Variants in STPG2 observed in about 807,000 individuals in gnomAD.
STPG2 encodes the protein sperm-tail PG-rich repeat-containing protein 2.
STPG2 carries 56 observed loss-of-function variants against 54.2 expected under a neutral mutation model. The ratio of observed to expected loss-of-function variants is 1.03; its 90% CI spans 0.83 to 1.29. The LOEUF (loss-of-function observed/expected upper bound fraction) is 1.29. Among genes scored for constraint, STPG2 ranks in the 50% most tolerant of loss-of-function variants. The pLI is 0.00. For missense variants in STPG2, 596 were observed against 544.9 expected (o/e 1.09, Z -0.93); for synonymous variants, 200 against 181.8 (o/e 1.10, Z -0.81).
At chr4:97,972,211 T>C in intron 7 of STPG2, 69 bp downstream of exon 7, 2 of 1,047,780 alleles carry the variant, frequency 1.9e-6, no homozygotes, top group Non-Finnish European at 1.3e-6. Context: ...TTATAACATG[T>C]AATTTCAAGA....
Position 97,935,016 on chromosome 4 carries a change from T to C in STPG2, c.1044+8881A>G, listed in dbSNP as rs184902787. ...GTTTTTTGGTTGATAGGCTATTTATTACTGCCTCAATTTCAGAATTTGTTA... is the reference window on the plus strand; with the variant it reads ...GTTTTTTGGTTGATAGGCTATTTATCACTGCCTCAATTTCAGAATTTGTTA... On this transcript the variant is annotated intron_variant, in intron 8 of 10. Coordinates refer to ENST00000295268, the MANE Select transcript of STPG2 (RefSeq NM_174952.3). 2.5e-3 allele frequency among the ~76,000 whole-genome samples: 385 copies of C among 152,328 alleles called. 3 individuals are homozygous for C. The highest frequency in any genetic ancestry group is 8.7e-3 in the African/African-American group (361 of 41,576).
chr4:98,074,215 A>G (rs1317526024), intron 5 of STPG2, among the ~76,000 whole-genome samples: 1 of 152,228 alleles, frequency 6.6e-6, no homozygotes, highest in Non-Finnish European at 1.5e-5. Flanking sequence ...CTCTGGGTAT[A>G]AAATGATAAG....
intron 4 of STPG2, among the ~76,000 whole-genome samples, chr4:97,524,620 G>C (rs1048543735): frequency 3.3e-5 from 5 of 151,876 alleles, no homozygotes; most frequent in African/African-American, 4.8e-5. Flanking sequence ...ATTTGAACCA[G>C]CCAGTTCATT....
At chr4:97,837,057 TA>T (rs943712001) in intron 9 of STPG2, among the ~76,000 whole-genome samples, 1 of 151,614 alleles carries the variant, frequency 6.6e-6, no homozygotes, top group Non-Finnish European at 1.5e-5. Context: ...TTCCCATGTT[TA>T]AAAAAACCAT....
At chr4:97,566,073 C>G (rs190371667) in intron 10 of STPG2, among the ~76,000 whole-genome samples, 20 of 152,322 alleles carry the variant, frequency 1.3e-4, no homozygotes, top group African/African-American at 4.8e-4. Flanking sequence ...CCTCCTTGAG[C>G]TGTGGTGGGC....
intron 1 of STPG2, among the ~76,000 whole-genome samples, chr4:98,140,218 C>T (rs575214910): frequency 6.6e-6 from 1 of 152,230 alleles, no homozygotes; most frequent in South Asian, 2.1e-4. Flanking sequence ...CTTAGGAAAA[C>T]TGTAAAGTTG....
intron 4 of STPG2, among the ~76,000 whole-genome samples, chr4:97,551,058 T>G (rs1006190384): frequency 2.0e-5 from 3 of 151,696 alleles, no homozygotes; most frequent in Non-Finnish European, 2.9e-5. Flanking sequence ...CCAGCTTTTA[T>G]TCCCTTATTT....
intron 8 of STPG2, among the ~76,000 whole-genome samples, chr4:97,864,702 C>T (rs1383785142): frequency 6.6e-6 from 1 of 152,160 alleles, no homozygotes; most frequent in Non-Finnish European, 1.5e-5. Flanking sequence ...TACTACAAGG[C>T]TGCAGTAACC....
At chr4:97,452,201 C>T (rs887340536) in intron 4 of STPG2, among the ~76,000 whole-genome samples, 3 of 150,078 alleles carry the variant, frequency 2.0e-5, no homozygotes, top group Non-Finnish European at 3.0e-5. Context: ...TCCCTACACA[C>T]CTGGGGGCCC....
At chr4:97,853,712 C>T (rs1438249575) in intron 8 of STPG2, among the ~76,000 whole-genome samples, 8 of 152,206 alleles carry the variant, frequency 5.3e-5, no homozygotes, top group African/African-American at 1.9e-4. Context: ...CTTCTTCCTT[C>T]CCTTCTCTTG....
intron 10 of STPG2, among the ~76,000 whole-genome samples, chr4:97,700,891 A>G (rs1156609317): frequency 6.6e-6 from 1 of 152,224 alleles, no homozygotes; most frequent in East Asian, 1.9e-4. Flanking sequence ...GCTCAAATCA[A>G]TGAAACCACA....
chr4:97,671,767 A>C (rs919366704), intron 10 of STPG2, among the ~76,000 whole-genome samples: 8 of 152,064 alleles, frequency 5.3e-5, no homozygotes, highest in African/African-American at 1.7e-4. Flanking sequence ...TTCAAGTTCA[A>C]CTCTGTAAGT....
chr4:98,059,647 A>G (rs1452781562), intron 5 of STPG2, among the ~76,000 whole-genome samples: 1 of 151,558 alleles, frequency 6.6e-6, no homozygotes, highest in African/African-American at 2.4e-5. Context: ...AATGCAAAAA[A>G]AAAAAAAAAA....
At chr4:97,963,590 G>A (rs1165419536) in intron 7 of STPG2, among the ~76,000 whole-genome samples, 1 of 152,062 alleles carries the variant, frequency 6.6e-6, no homozygotes, top group Non-Finnish European at 1.5e-5. Flanking sequence ...AGGAGGGCAA[G>A]GGTGCAGTGA....
At chr4:97,811,197 TA>T (rs797019047) in intron 9 of STPG2, among the ~76,000 whole-genome samples, 727 of 144,398 alleles carry the variant, frequency 5.0e-3, no homozygotes, top group Middle Eastern at 0.035. Context: ...TTAGTTTACT[TA>T]AAAAAAAAAA....
chr4:97,656,101 G>C (rs1188484251), intron 10 of STPG2, among the ~76,000 whole-genome samples: 1 of 151,990 alleles, frequency 6.6e-6, no homozygotes, highest in Admixed American at 6.6e-5. Flanking sequence ...AAACAAGAAG[G>C]GTCTCTGCCT....
At chr4:97,538,875 G>C (rs1302117695) in intron 4 of STPG2, among the ~76,000 whole-genome samples, 1 of 152,130 alleles carries the variant, frequency 6.6e-6, no homozygotes, top group Non-Finnish European at 1.5e-5. Flanking sequence ...AGAAGAGAGT[G>C]GGGGCCAATA....
At chr4:97,794,668 C>T (rs902234301) in intron 9 of STPG2, among the ~76,000 whole-genome samples, 1 of 152,014 alleles carries the variant, frequency 6.6e-6, no homozygotes, top group Admixed American at 6.6e-5. Flanking sequence ...CTTTATATAA[C>T]AATTATCCTA....
chr4:97,564,860 G>C (rs187831752), intron 10 of STPG2, among the ~76,000 whole-genome samples: 2,323 of 152,140 alleles, frequency 0.015, 52 homozygotes, highest in African/African-American at 0.052. Context: ...TCTGGCTGCC[G>C]TTAACATTTT....
Sources: allele counts gnomAD v4.1 joint callset (sites outside exome capture counted in the v4.1 genomes callset), GRCh38; gene constraint gnomAD v4.1.1; transcripts MANE v1.5; gene names NCBI Gene and HGNC (gene_info 2026-07-23, HGNC 2026-07-21).